FAM169A: variants seen among roughly 807,000 people sequenced by gnomAD.
The protein encoded by FAM169A is soluble lamin-associated protein of 75 kDa.
A neutral mutation model predicts 75.7 loss-of-function variants in FAM169A; 24 were observed. The observed-to-expected ratio is 0.32, with a 90% CI of 0.23 to 0.45. The LOEUF (loss-of-function observed/expected upper bound fraction) is 0.45. Among genes scored for constraint, FAM169A ranks in the 20% least tolerant of loss-of-function variants. The probability of loss-of-function intolerance (pLI) is 1.00; values close to 1 mark genes in which losing one functional copy is unlikely to be tolerated. For missense variants in FAM169A, 673 were observed against 784.0 expected, an observed-to-expected ratio of 0.86 and a Z score of 1.69; for synonymous variants, 271 against 271.0, an observed-to-expected ratio of 1.00 and a Z score of 0.00.
intron 5 of FAM169A, among the ~76,000 whole-genome samples, chr5:74,817,794 T>G (rs913258787): frequency 6.6e-6 from 1 of 152,188 alleles, no homozygotes; most frequent in Non-Finnish European, 1.5e-5. Flanking sequence ...AGTATGTTAC[T>G]GGCATGGGAA....
chr5:74,809,902 G>T (rs1476065865), intron 6 of FAM169A, among the ~76,000 whole-genome samples: 3 of 152,142 alleles, frequency 2.0e-5, no homozygotes, highest in African/African-American at 7.2e-5. Context: ...AATGCGAAAT[G>T]ACATAACTAC....
intron 11 of FAM169A, among the ~76,000 whole-genome samples, chr5:74,784,688 G>GCT (rs1273504435): frequency 7.3e-5 from 11 of 149,944 alleles, no homozygotes; most frequent in Non-Finnish European, 5.9e-5. Flanking sequence ...GGAGGCCGAG[G>GCT]CGGGCGGATC....
intron 11 of FAM169A, among the ~76,000 whole-genome samples, chr5:74,792,507 G>A (rs1053541528): frequency 1.4e-5 from 2 of 141,782 alleles, no homozygotes; most frequent in Non-Finnish European, 3.0e-5. Flanking sequence ...TTTGGGACTC[G>A]GACTGGCTTC....
intron 1 of FAM169A, among the ~76,000 whole-genome samples, chr5:74,854,307 A>T (rs1229792148): frequency 6.6e-6 from 1 of 152,064 alleles, no homozygotes; most frequent in East Asian, 1.9e-4. Context: ...AGGCAGGAGA[A>T]CTGCTTGAAC....
chr5:74,813,346 A>T (rs1380132427), intron 6 of FAM169A, among the ~76,000 whole-genome samples: 1 of 151,212 alleles, frequency 6.6e-6, no homozygotes, highest in Non-Finnish European at 1.5e-5. Flanking sequence ...TTTTTTTTTT[A>T]GATGGAGTCC....
At chr5:74,823,377 C>T (rs890522088) in intron 5 of FAM169A, among the ~76,000 whole-genome samples, 3 of 152,238 alleles carry the variant, frequency 2.0e-5, no homozygotes, top group East Asian at 1.9e-4. Flanking sequence ...AACTACTTAC[C>T]CTTCAAAACT....
chr5:74,795,893 A>G (rs1165383091), intron 11 of FAM169A, 137 bp downstream of exon 11: 1 of 762,076 alleles, frequency 1.3e-6, no homozygotes, highest in African/African-American at 1.8e-5. Flanking sequence ...GACCTTGCTT[A>G]ATATATATGA....
intron 5 of FAM169A, among the ~76,000 whole-genome samples, chr5:74,830,828 A>G (rs944341422): frequency 1.3e-5 from 2 of 152,208 alleles, no homozygotes; most frequent in African/African-American, 4.8e-5. Context: ...TGATATATAA[A>G]TGAGTAGCTG....
rs756305291 is a variant in FAM169A, at chr5:74,804,476, ATAGACAGTG to A, written c.912+8_912+16del. On this transcript the variant is annotated splice_region_variant and intron_variant, in intron 8 of 12. Coordinates refer to ENST00000687041, the MANE Select transcript of FAM169A (RefSeq NM_001376049.1). The stretch of plus-strand genomic sequence containing the variant: ...AAATTTTATATACAACAATAAACAT[ATAGACAGTG>A]TACCTACAGTTAGCTGCATCTCACT... 1.1e-5 allele frequency: 15 copies of A among 1,379,870 alleles called. No homozygotes were observed. In the African/African-American group the frequency reaches 1.9e-4, roughly 17 times the overall value. The allele number at this position is 1,379,870 out of a possible 1,614,324, so 85.5% of individuals were successfully genotyped here. A position where few individuals can be genotyped will look rare whatever the true frequency, so the allele number is the denominator to read the frequency against.
In FAM169A at chr5:74,783,260, C is replaced by A. The variant is rs1013691718; in HGVS notation, c.1261-126G>T. 2.8e-5 allele frequency: 18 copies of A among 649,298 alleles called. No individual in the cohort carries two copies. In the African/African-American group the frequency reaches 3.2e-4, roughly 12 times the overall value. The allele number at this position is 649,298 out of a possible 1,614,324, so 40.2% of individuals were successfully genotyped here. On this transcript the variant is annotated intron_variant, in intron 11 of 12. Transcript: ENST00000687041. ...CAAGACTCAAATTTACATTATAGGA[C>A]ATGGGTTAAAGAACAGTCTTACTGG...
chr5:74,863,158 T>C (rs1320828976), intron 1 of FAM169A, among the ~76,000 whole-genome samples: 3 of 152,150 alleles, frequency 2.0e-5, no homozygotes, highest in Non-Finnish European at 2.9e-5. Flanking sequence ...ATACCAACTC[T>C]AAAACTCCAT....
At chr5:74,857,496 T>TA (rs1309499959) in intron 1 of FAM169A, among the ~76,000 whole-genome samples, 1 of 135,988 alleles carries the variant, frequency 7.4e-6, no homozygotes, top group East Asian at 2.2e-4. Context: ...TGCAGGGAGG[T>TA]AGAGGCTGCA....
chr5:74,789,102 T>C (rs572728350), intron 11 of FAM169A, among the ~76,000 whole-genome samples: 16 of 152,360 alleles, frequency 1.1e-4, no homozygotes, highest in Admixed American at 6.5e-5. Context: ...CTCAGGGGTA[T>C]ATCAACTCTC....
intron 11 of FAM169A, among the ~76,000 whole-genome samples, chr5:74,794,242 A>C (rs1295943974): frequency 6.8e-6 from 1 of 147,148 alleles, no homozygotes; most frequent in Non-Finnish European, 1.5e-5. Context: ...AAAATTCAAA[A>C]AATTAGCGGG....
chr5:74,864,016 T>C (rs770487870), intron 1 of FAM169A, among the ~76,000 whole-genome samples: 1 of 152,210 alleles, frequency 6.6e-6, no homozygotes, highest in South Asian at 2.1e-4. Context: ...CTCGCCTCCA[T>C]AATTCTCCCT....
chr5:74,849,304 T>G (rs1267352207), intron 1 of FAM169A, among the ~76,000 whole-genome samples: 1 of 152,140 alleles, frequency 6.6e-6, no homozygotes, highest in African/African-American at 2.4e-5. Flanking sequence ...AAATTTATAT[T>G]ATTGTGATTT....
In FAM169A at chr5:74,781,886, A is replaced by G. The variant is rs781143253; in HGVS notation, c.1587T>C (p.Asn529=). 8 of 1,613,992 alleles carry G rather than the reference A, an allele frequency of 5.0e-6. No individual in the cohort carries two copies. Among genetic ancestry groups the G allele is most frequent in the African/African-American group, 2.7e-5 (2 of 74,922 alleles). The change falls in exon 13 of 13, where the codon AAT becomes AAC. Residue 529 remains asparagine (N), a synonymous_variant. Coordinates refer to ENST00000687041, the MANE Select transcript of FAM169A (RefSeq NM_001376049.1). ...GTTCTTCATTTGACATAGTAGCAAC[A>G]TTGTCTGAACTCCCAAGATGTGCTT... ...RKKAHLGSSD[N]VATMSNEERS... is the part of the protein sequence containing the mutation.
Position 74,778,773 on chromosome 5 carries a change from TAAA to T in FAM169A, c.*2684_*2686del, listed in dbSNP as rs1370448766. On this transcript the variant is annotated 3_prime_UTR_variant, in exon 13 of 13. Coordinates refer to ENST00000687041, the MANE Select transcript of FAM169A (RefSeq NM_001376049.1). ...ACAAGGAAATATACACGTATGTACA[TAAA>T]AAGTGAACTCCCTTCACAAATAAGT... 2.0e-5 allele frequency: 3 copies of T among 152,058 alleles called. No individual in the cohort carries two copies. The highest frequency in any genetic ancestry group is 2.9e-5 in the Non-Finnish European group (2 of 67,904). 9.4% of individuals were successfully genotyped at this position (152,058 alleles called of 1,614,324 possible).
At chr5:74,846,215 A>G (rs1749149144) in intron 1 of FAM169A, among the ~76,000 whole-genome samples, 1 of 152,224 alleles carries the variant, frequency 6.6e-6, no homozygotes, top group Admixed American at 6.5e-5. Flanking sequence ...TCCTTAAATC[A>G]ATTCAAAAGA....
Sources: allele counts gnomAD v4.1 joint callset (sites outside exome capture counted in the v4.1 genomes callset), GRCh38; gene constraint gnomAD v4.1.1; transcripts MANE v1.5; gene names NCBI Gene and HGNC (gene_info 2026-07-23, HGNC 2026-07-21).